The following WDFY2 variants were observed in gnomAD, a reference collection of about 807,000 sequenced individuals.
WDFY2 encodes WD repeat and FYVE domain-containing protein 2.
WDFY2 carries 36 observed loss-of-function variants against 56.4 expected under a neutral mutation model. That is an observed-to-expected ratio of 0.64 (90% confidence interval 0.49 to 0.84). The LOEUF (loss-of-function observed/expected upper bound fraction) is 0.84, where lower values mean the gene tolerates loss of function less well. Among genes scored for constraint, WDFY2 ranks in the 40% least tolerant of loss-of-function variants. The probability of loss-of-function intolerance (pLI) is 0.00; values close to 1 mark genes in which losing one functional copy is unlikely to be tolerated. For missense variants in WDFY2, 444 were observed against 512.2 expected, an observed-to-expected ratio of 0.87 and a Z score of 1.29; for synonymous variants, 176 against 183.7, an observed-to-expected ratio of 0.96 and a Z score of 0.34.
chr13:51,714,376 C>T (rs925189481), intron 4 of WDFY2, among the ~76,000 whole-genome samples: 1 of 152,138 alleles, frequency 6.6e-6, no homozygotes, highest in East Asian at 1.9e-4. Context: ...ACCGCAACCT[C>T]TGCCTCTTGG....
intron 1 of WDFY2, among the ~76,000 whole-genome samples, chr13:51,654,031 T>G (rs1331169503): frequency 6.6e-6 from 1 of 152,226 alleles, no homozygotes; most frequent in African/African-American, 2.4e-5. Flanking sequence ...AGACGCCTCC[T>G]TGAGCTGTGG....
intron 3 of WDFY2, among the ~76,000 whole-genome samples, chr13:51,677,369 G>A (rs896057241): frequency 7.2e-5 from 11 of 152,126 alleles, no homozygotes; most frequent in African/African-American, 2.7e-4. Flanking sequence ...TCTATGTTAG[G>A]GAAAGATACA....
intron 3 of WDFY2, among the ~76,000 whole-genome samples, chr13:51,678,818 A>G (rs570582557): frequency 6.6e-6 from 1 of 152,336 alleles, no homozygotes; most frequent in African/African-American, 2.4e-5. Context: ...AAATAATAGC[A>G]GAAGTACCGG....
intron 1 of WDFY2, among the ~76,000 whole-genome samples, chr13:51,595,907 G>A (rs1250905704): frequency 6.6e-6 from 1 of 152,146 alleles, no homozygotes; most frequent in East Asian, 1.9e-4. Context: ...TTTTTTGGGG[G>A]CCAGGGACTG....
intron 1 of WDFY2, among the ~76,000 whole-genome samples, chr13:51,621,072 A>T (rs1001205689): frequency 6.6e-6 from 1 of 152,222 alleles, no homozygotes; most frequent in Non-Finnish European, 1.5e-5. Flanking sequence ...CTCTGAATAA[A>T]GCCTGAGGTA....
At chr13:51,743,177 C>T (rs1233148218) in intron 7 of WDFY2, among the ~76,000 whole-genome samples, 2 of 152,104 alleles carry the variant, frequency 1.3e-5, no homozygotes, top group Non-Finnish European at 1.5e-5. Context: ...TTTTTTATTT[C>T]TAACTATTTA....
intron 6 of WDFY2, among the ~76,000 whole-genome samples, chr13:51,730,882 G>GGT (rs200257051): frequency 0.011 from 1,673 of 152,280 alleles, 17 homozygotes; most frequent in Middle Eastern, 0.02. Context: ...GGAGAGGGGA[G>GGT]GTCAAGGTGG....
chr13:51,682,905 A>T (rs1201620931), intron 3 of WDFY2, among the ~76,000 whole-genome samples: 1 of 152,190 alleles, frequency 6.6e-6, no homozygotes, highest in African/African-American at 2.4e-5. Context: ...CCTTAGGACT[A>T]TTCAACTTAT....
At chr13:51,684,397 C>A (rs1956026134) in intron 3 of WDFY2, among the ~76,000 whole-genome samples, 1 of 149,734 alleles carries the variant, frequency 6.7e-6, no homozygotes, top group Non-Finnish European at 1.5e-5. Context: ...GTTTAGTAAA[C>A]CCTGAGTTAC....
chr13:51,586,372 A>G (rs1953936092), intron 1 of WDFY2: 1 of 277,462 alleles, frequency 3.6e-6, no homozygotes, highest in South Asian at 1.7e-4. Context: ...TGGAATCAAG[A>G]AAAGGAGAAG....
At chr13:51,667,825 A>T (rs1238972500) in intron 2 of WDFY2, among the ~76,000 whole-genome samples, 1 of 147,928 alleles carries the variant, frequency 6.8e-6, no homozygotes, top group Non-Finnish European at 1.5e-5. Flanking sequence ...CCATAATGTA[A>T]TGTGATCTTT....
intron 7 of WDFY2, among the ~76,000 whole-genome samples, chr13:51,749,144 A>G (rs560026036): frequency 5.9e-5 from 9 of 152,226 alleles, no homozygotes; most frequent in Non-Finnish European, 8.8e-5. Flanking sequence ...TTTTTTACAG[A>G]ATATGTGACT....
Position 51,584,807 on chromosome 13 carries a change from C to T in WDFY2, c.120C>T (p.Ile40=), listed in dbSNP as rs1953903785. The change falls in exon 1 of 12, where the codon ATC becomes ATT. Residue 40 remains isoleucine, a synonymous_variant. Coordinates refer to ENST00000298125, the MANE Select transcript of WDFY2 (RefSeq NM_052950.4). ...AVIVPKEEGV[I]SVSEDRTVRV... is the part of the protein sequence containing the mutation. ...TCGTGCCCAAAGAGGAGGGCGTCATCAGCGTCTCCGAGGACAGGTATGGAC... is the reference window on the plus strand; with the variant it reads ...TCGTGCCCAAAGAGGAGGGCGTCATTAGCGTCTCCGAGGACAGGTATGGAC... 1 of 1,613,888 alleles carries T rather than the reference C, an allele frequency of 6.2e-7. No individual in the cohort carries two copies. The highest frequency in any genetic ancestry group is 1.1e-5 in the South Asian group (1 of 91,056).
At chr13:51,667,460 C>T (rs183040493) in intron 2 of WDFY2, among the ~76,000 whole-genome samples, 4 of 152,236 alleles carry the variant, frequency 2.6e-5, no homozygotes, top group African/African-American at 9.6e-5. Flanking sequence ...CTTATTCCAC[C>T]TCCTCTGCTG....
In WDFY2 at chr13:51,710,931, A is replaced by G. The variant is rs1952199051; in HGVS notation, c.334+7281A>G. Among the ~76,000 whole-genome samples, 3 of 152,174 alleles carry G rather than the reference A, an allele frequency of 2.0e-5. No homozygotes were observed. The South Asian group carries it at 6.2e-4, about 32-fold the overall frequency. ...AATGACTTTCTTCACAGAATTGGAA[A>G]AAACTACTTTAAAGTTCATATGGAA... On this transcript the variant is annotated intron_variant, in intron 4 of 11. Coordinates refer to ENST00000298125, the MANE Select transcript of WDFY2 (RefSeq NM_052950.4).
At chr13:51,616,582 A>C (rs1954618951) in intron 1 of WDFY2, among the ~76,000 whole-genome samples, 1 of 152,180 alleles carries the variant, frequency 6.6e-6, no homozygotes, top group Non-Finnish European at 1.5e-5. Context: ...AGGCTCTACC[A>C]ACTTGAGCAT....
At chr13:51,656,699 T>A (rs997301005) in intron 1 of WDFY2, among the ~76,000 whole-genome samples, 25 of 152,078 alleles carry the variant, frequency 1.6e-4, no homozygotes, top group African/African-American at 6.0e-4. Flanking sequence ...AATTATTATT[T>A]TTTTGATGAA....
At chr13:51,655,388 T>G (rs189439033) in intron 1 of WDFY2, among the ~76,000 whole-genome samples, 42 of 151,220 alleles carry the variant, frequency 2.8e-4, no homozygotes, top group Admixed American at 1.8e-3. Context: ...GTATGCTATG[T>G]TTTTTTTTCA....
At chr13:51,680,760 ACT>A (rs1955964506) in intron 3 of WDFY2, among the ~76,000 whole-genome samples, 1 of 152,052 alleles carries the variant, frequency 6.6e-6, no homozygotes, top group Non-Finnish European at 1.5e-5. Flanking sequence ...AGCTAATGCC[ACT>A]CTCCTCTAGA....
Sources: gnomAD v4.1 joint callset for allele counts (sites outside exome capture counted in the v4.1 genomes callset) on GRCh38, gnomAD v4.1.1 for gene constraint, MANE v1.5 for transcripts, NCBI Gene and HGNC (gene_info 2026-07-23, HGNC 2026-07-21) for gene names.